EPHA6: variants seen among roughly 807,000 people sequenced by gnomAD.
EPHA6 encodes ephrin type-A receptor 6.
A neutral mutation model predicts 112.0 loss-of-function variants in EPHA6; 50 were observed. The ratio of observed to expected loss-of-function variants is 0.45; its 90% CI spans 0.36 to 0.56. The LOEUF is 0.56. Among genes scored for constraint, EPHA6 ranks in the 20% least tolerant of loss-of-function variants. The pLI is 0.00. For synonymous variants in EPHA6, 529 were observed against 490.7 expected (o/e 1.08, Z -1.03); for missense variants, 1,280 against 1,417.4 (o/e 0.90, Z 1.56).
At chr3:97,261,101 G>T (rs978074016) in intron 5 of EPHA6, among the ~76,000 whole-genome samples, 2 of 152,226 alleles carry the variant, frequency 1.3e-5, no homozygotes, top group Non-Finnish European at 2.9e-5. Flanking sequence ...ACCTAAACAG[G>T]ATACCCAGAG....
intron 2 of EPHA6, among the ~76,000 whole-genome samples, chr3:96,946,871 T>C (rs1432074547): frequency 6.6e-6 from 1 of 152,096 alleles, no homozygotes; most frequent in Admixed American, 6.6e-5. Flanking sequence ...ACCATTCCAA[T>C]TGGTGTGAAG....
chr3:97,611,026 A>G (rs866175417), intron 13 of EPHA6, among the ~76,000 whole-genome samples, 172 bp downstream of exon 13: 4 of 151,712 alleles, frequency 2.6e-5, no homozygotes, highest in South Asian at 2.1e-4. Flanking sequence ...GAGTGTTACT[A>G]AGGGGGGAGG....
intron 2 of EPHA6, among the ~76,000 whole-genome samples, chr3:96,908,603 A>T (rs999189945): frequency 1.3e-5 from 2 of 151,772 alleles, no homozygotes; most frequent in African/African-American, 4.8e-5. Flanking sequence ...ATCTTCCAGG[A>T]TATGCTCTAT....
chr3:96,988,426 A>C (rs12107522), intron 3 of EPHA6, among the ~76,000 whole-genome samples: 10,992 of 152,166 alleles, frequency 0.072, 682 homozygotes, highest in Admixed American at 0.22. Context: ...AACAGCAACA[A>C]AAAGCAATGA....
chr3:97,187,728 A>AG (rs2077188623), intron 3 of EPHA6, among the ~76,000 whole-genome samples: 1 of 149,700 alleles, frequency 6.7e-6, no homozygotes, highest in African/African-American at 2.5e-5. Flanking sequence ...AAAGAAAGAA[A>AG]GAAAGAAAGA....
At chr3:97,748,142 C>G (rs2035792447) in intron 17 of EPHA6, among the ~76,000 whole-genome samples, 1 of 152,024 alleles carries the variant, frequency 6.6e-6, no homozygotes, top group Admixed American at 6.6e-5. Flanking sequence ...TTCTAGATAT[C>G]AAAAATCCAT....
At chr3:97,544,897 C>A (rs1192469151) in intron 11 of EPHA6, among the ~76,000 whole-genome samples, 5 of 152,130 alleles carry the variant, frequency 3.3e-5, no homozygotes, top group Admixed American at 3.3e-4. Context: ...TTATAGTATT[C>A]TCTGATGGTA....
intron 1 of EPHA6, among the ~76,000 whole-genome samples, chr3:96,852,975 T>G (rs867314126): frequency 2.6e-5 from 4 of 152,270 alleles, no homozygotes; most frequent in Middle Eastern, 3.4e-3. Context: ...TACCAGATAA[T>G]TGCTACTTAC....
At chr3:96,845,146 A>C (rs2034994531) in intron 1 of EPHA6, among the ~76,000 whole-genome samples, 1 of 151,998 alleles carries the variant, frequency 6.6e-6, no homozygotes, top group Non-Finnish European at 1.5e-5. Flanking sequence ...TTAGGAAAGC[A>C]GGTTTTATGA....
intron 2 of EPHA6, among the ~76,000 whole-genome samples, chr3:96,945,550 A>G (rs2041210015): frequency 6.6e-6 from 1 of 152,224 alleles, no homozygotes; most frequent in East Asian, 1.9e-4. Flanking sequence ...TGGTCAGGTC[A>G]CTTAACAATT....
chr3:97,491,378 A>T (rs1042434697), intron 10 of EPHA6, among the ~76,000 whole-genome samples: 1 of 152,180 alleles, frequency 6.6e-6, no homozygotes, highest in Non-Finnish European at 1.5e-5. Flanking sequence ...ACACTCTCTG[A>T]TACTCAAGCA....
At chr3:97,601,678 GAAAT>G (rs758359164) in intron 12 of EPHA6, among the ~76,000 whole-genome samples, 137 of 151,896 alleles carry the variant, frequency 9.0e-4, no homozygotes, top group Non-Finnish European at 1.5e-3. Flanking sequence ...AAAAGATTAA[GAAAT>G]AAATAGTTAC....
At chr3:97,322,080 T>C (rs2082147110) in intron 5 of EPHA6, among the ~76,000 whole-genome samples, 1 of 152,034 alleles carries the variant, frequency 6.6e-6, no homozygotes, top group Non-Finnish European at 1.5e-5. Context: ...AGAACAGACT[T>C]TCTCAAACTA....
rs142935473 is a variant in EPHA6 at position 96,913,485 on chromosome 3, A to AT, written c.450+46604dup. Among the ~76,000 whole-genome samples, 44 of 151,932 alleles carry AT rather than the reference A, an allele frequency of 2.9e-4. 1 individual carries two copies. Among genetic ancestry groups the AT allele is most frequent in the Middle Eastern group, 6.3e-3 (2 of 316 alleles). ...ATCTTACTTTGTGTTATTTACTTGAATTTTTTTTCATAGAGAAGCTCTCTA... is the reference window on the plus strand; with the variant it reads ...ATCTTACTTTGTGTTATTTACTTGAATTTTTTTTTCATAGAGAAGCTCTCTA... On this transcript the variant is annotated intron_variant, in intron 2 of 17. Coordinates refer to ENST00000389672, the MANE Select transcript of EPHA6 (RefSeq NM_001080448.3).
intron 3 of EPHA6, among the ~76,000 whole-genome samples, chr3:97,113,748 A>C (rs1317574696): frequency 1.3e-5 from 2 of 152,028 alleles, no homozygotes; most frequent in Non-Finnish European, 2.9e-5. Context: ...TTCCCCATAA[A>C]GGCTATATTG....
chr3:96,913,161 TACACACAC>T (rs768422240), intron 2 of EPHA6, among the ~76,000 whole-genome samples: 2,889 of 123,194 alleles, frequency 0.023, 85 homozygotes, highest in African/African-American at 0.065. Context: ...AGACCCCGTC[TACACACAC>T]ACACACACAC....
intron 7 of EPHA6, among the ~76,000 whole-genome samples, chr3:97,451,913 G>C (rs986309460): frequency 1.3e-5 from 2 of 151,846 alleles, no homozygotes; most frequent in African/African-American, 4.8e-5. Flanking sequence ...GATGAGGTAT[G>C]GGTTGGAAAG....
intron 5 of EPHA6, among the ~76,000 whole-genome samples, chr3:97,274,813 G>A (rs772798524): frequency 6.8e-4 from 104 of 152,300 alleles, no homozygotes; most frequent in South Asian, 1.4e-3. Context: ...GAGAGATACA[G>A]TCATGAGGGT....
chr3:97,596,330 A>G (rs2093590586), intron 12 of EPHA6, among the ~76,000 whole-genome samples: 1 of 152,190 alleles, frequency 6.6e-6, no homozygotes, highest in Non-Finnish European at 1.5e-5. Context: ...GCCATAGAGT[A>G]TTGAGTATAC....
Sources: gnomAD v4.1 joint callset for allele counts (sites outside exome capture counted in the v4.1 genomes callset) on GRCh38, gnomAD v4.1.1 for gene constraint, MANE v1.5 for transcripts, NCBI Gene and HGNC (gene_info 2026-07-23, HGNC 2026-07-21) for gene names.